The following C1QTNF5 variants were observed in gnomAD, a reference collection of about 807,000 sequenced individuals.
C1QTNF5 encodes complement C1q tumor necrosis factor-related protein 5.
A neutral mutation model predicts 10.9 loss-of-function variants in C1QTNF5; 5 were observed. The observed-to-expected ratio is 0.46, with a 90% CI of 0.24 to 0.97. C1QTNF5 has a LOEUF of 0.97. Among genes scored for constraint, C1QTNF5 ranks in the 50% least tolerant of loss-of-function variants. The probability of loss-of-function intolerance (pLI) is 0.19; values close to 1 mark genes in which losing one functional copy is unlikely to be tolerated. For missense variants in C1QTNF5, 281 were observed against 339.4 expected, an observed-to-expected ratio of 0.83 and a Z score of 1.35; for synonymous variants, 161 against 156.5, an observed-to-expected ratio of 1.03 and a Z score of -0.22.
At chr11:119,343,961 A>G, upstream of C1QTNF5, 2 of 1,611,958 alleles carry the variant, frequency 1.2e-6, no homozygotes, top group South Asian at 2.2e-5. Context: ...TGCCAGGTGC[A>G]GAGCTGGGGG....
chr11:119,345,296 G>A (rs1950550305), upstream of C1QTNF5: 4 of 1,000,504 alleles, frequency 4.0e-6, no homozygotes, highest in Admixed American at 2.1e-5. Flanking sequence ...TGGCAGAGCT[G>A]GGCCCAGAGG....
the C1QTNF5 span, chr11:119,346,251 G>T: frequency 6.3e-7 from 1 of 1,597,802 alleles, no homozygotes; most frequent in Non-Finnish European, 8.5e-7. Context: ...CCTCCCCCAG[G>T]TCACCCCCTG....
chr11:119,346,579 G>A, the C1QTNF5 span: 8 of 1,529,622 alleles, frequency 5.2e-6, no homozygotes, highest in African/African-American at 2.7e-5. Context: ...GGGCCCACTC[G>A]CTGACCACAA....
chr11:119,344,790 G>A (rs200012326), upstream of C1QTNF5: 276 of 1,613,748 alleles, frequency 1.7e-4, no homozygotes, highest in South Asian at 3.5e-4. Context: ...AGGGAGGCCC[G>A]GAGTCTCCAC....
At chr11:119,346,557 C>G in the C1QTNF5 span, 1 of 1,599,406 alleles carries the variant, frequency 6.3e-7, no homozygotes. Context: ...TGTGACAGCC[C>G]AAGACCCCCA....
upstream of C1QTNF5, chr11:119,345,796 C>A (rs748646897): frequency 6.2e-6 from 10 of 1,613,782 alleles, no homozygotes; most frequent in African/African-American, 2.7e-5. Flanking sequence ...GGGGCTCACG[C>A]CTGACTCCTG....
In C1QTNF5 at chr11:119,339,726, T is replaced by C. The variant is rs768577546; in HGVS notation, c.337A>G (p.Ser113Gly). The change falls in exon 3 of 3, where the codon AGC (serine) becomes GGC (glycine). Residue 113 changes from serine (S) to glycine (G), a missense_variant. Transcript: ENST00000528368. The surrounding 1 kb of genome is among the most constrained non-coding windows in gnomAD (Gnocchi z 5.4). ...RSAFSAKRSE[S>G]RVPPPSDAPL... ...GCGTCAGACGGCGGAGGCACCCGGC[T>C]CTCGGAGCGCTTGGCGCTGAAGGCG... 6.2e-7 allele frequency: 1 copy of C among 1,600,546 alleles called. No individual in the cohort carries two copies. The highest frequency in any genetic ancestry group is 8.5e-7 in the Non-Finnish European group (1 of 1,178,356).
At position 119,339,103 on chromosome 11, in the gene C1QTNF5, C is replaced by T. The variant is rs1950468916; in HGVS notation, c.*228G>A. 1 of 576,060 alleles carries T rather than the reference C, an allele frequency of 1.7e-6. No individual in the cohort carries two copies. Among genetic ancestry groups the T allele is most frequent in the African/African-American group, 1.9e-5 (1 of 53,708 alleles). 35.7% of individuals were successfully genotyped at this position (576,060 alleles called of 1,614,324 possible). The stretch of plus-strand genomic sequence containing the variant: ...GGGACTTACACTTGCCAGCACAGCA[C>T]ACTCCTCTGGTCTTGGGCAGAAATC... On this transcript the variant is annotated 3_prime_UTR_variant, in exon 3 of 3. Transcript: ENST00000528368. This position sits in a 1 kb window ranked among gnomAD's most constrained non-coding sequence, Gnocchi z 5.4.
chr11:119,344,854 G>A (rs1950543681), upstream of C1QTNF5: 4 of 1,613,444 alleles, frequency 2.5e-6, no homozygotes, highest in Non-Finnish European at 3.4e-6. Context: ...CACTCAACAG[G>A]CAGGTGGGAA....
chr11:119,344,789 C>T (rs771262916), upstream of C1QTNF5: 30 of 1,613,652 alleles, frequency 1.9e-5, no homozygotes, highest in Middle Eastern at 1.6e-4. Flanking sequence ...CAGGGAGGCC[C>T]GGAGTCTCCA....
At chr11:119,342,476 T>G (rs1950511855), upstream of C1QTNF5, 3 of 1,338,670 alleles carry the variant, frequency 2.2e-6, no homozygotes, top group South Asian at 1.4e-5. Context: ...GTCAGGATGG[T>G]GAGGCCAGCT....
upstream of C1QTNF5, among the ~76,000 whole-genome samples, chr11:119,342,371 A>C (rs939501749): frequency 2.0e-5 from 3 of 152,158 alleles, no homozygotes; most frequent in Admixed American, 6.5e-5. Flanking sequence ...AGCCCCACCA[A>C]TGATTCCCAG....
At chr11:119,341,686 A>G, upstream of C1QTNF5, 1 of 1,613,140 alleles carries the variant, frequency 6.2e-7, no homozygotes. Flanking sequence ...AAGGGGGCAG[A>G]ACACTGCCTA....
At chr11:119,343,029 G>A, upstream of C1QTNF5, 1 of 1,583,132 alleles carries the variant, frequency 6.3e-7, no homozygotes, top group Non-Finnish European at 8.6e-7. Flanking sequence ...AGCTGTTCTG[G>A]GCACCAGCCC....
chr11:119,345,879 G>A (rs562580805), upstream of C1QTNF5: 126 of 1,613,532 alleles, frequency 7.8e-5, no homozygotes, highest in Non-Finnish European at 9.7e-5. Context: ...TAAGGCCTCC[G>A]GCAGGCAGTG....
At chr11:119,342,709 T>C, upstream of C1QTNF5, 1 of 1,613,312 alleles carries the variant, frequency 6.2e-7, no homozygotes, top group Non-Finnish European at 8.5e-7. Context: ...GCAGGAGAGC[T>C]CACTGGGCCC....
upstream of C1QTNF5, chr11:119,342,716 G>A (rs757833183): frequency 1.5e-5 from 24 of 1,613,486 alleles, no homozygotes; most frequent in East Asian, 5.3e-4. Context: ...AGCTCACTGG[G>A]CCCACAGGGG....
upstream of C1QTNF5, chr11:119,344,861 G>A: frequency 6.2e-7 from 1 of 1,613,376 alleles, no homozygotes; most frequent in Non-Finnish European, 8.5e-7. Flanking sequence ...CAGGCAGGTG[G>A]GAACACACTC....
At chr11:119,342,023 C>T (rs1950508012), upstream of C1QTNF5, 1 of 1,611,362 alleles carries the variant, frequency 6.2e-7, no homozygotes, top group Non-Finnish European at 8.5e-7. Context: ...GGGGACTGCT[C>T]ACTGGCTCTG....
Sources: gnomAD v4.1 joint callset for allele counts (sites outside exome capture counted in the v4.1 genomes callset) on GRCh38, gnomAD v4.1.1 for gene constraint, Gnocchi (gnomAD v3.1) non-coding constraint, MANE v1.5 for transcripts, NCBI Gene and HGNC (gene_info 2026-07-23, HGNC 2026-07-21) for gene names.